Variants in KCMF1 observed in about 807,000 individuals in gnomAD.
KCMF1 encodes the protein potassium channel modulatory factor 1.
Under a neutral mutation model 41.1 loss-of-function variants are expected in KCMF1, and 3 were observed. The observed-to-expected ratio is 0.07, with a 90% CI of 0.03 to 0.19. The LOEUF is 0.19. Ranked by LOEUF, KCMF1 falls within the 10% of genes least tolerant of loss-of-function variation. KCMF1 has a pLI of 1.00. For missense variants in KCMF1, 286 were observed against 488.9 expected (o/e 0.58, Z 3.91); for synonymous variants, 142 against 164.5 (o/e 0.86, Z 1.04).
At chr2:85,000,296 C>T (rs1243811653) in intron 1 of KCMF1, among the ~76,000 whole-genome samples, 2 of 151,906 alleles carry the variant, frequency 1.3e-5, no homozygotes, top group Admixed American at 6.6e-5. Flanking sequence ...CAGCTAATTT[C>T]GTGTTTTTAG....
intron 4 of KCMF1, among the ~76,000 whole-genome samples, chr2:85,044,586 G>T (rs926358162): frequency 2.0e-5 from 3 of 152,054 alleles, no homozygotes; most frequent in Admixed American, 2.0e-4. Context: ...ATATTGGCCA[G>T]GCTGGTCTCT....
chr2:84,989,640 T>C (rs1385229757), intron 1 of KCMF1, among the ~76,000 whole-genome samples: 1 of 152,162 alleles, frequency 6.6e-6, no homozygotes, highest in Non-Finnish European at 1.5e-5. Flanking sequence ...CGATTAAGCA[T>C]GAGGATTGTG....
intron 6 of KCMF1, 25 bp downstream of exon 6, chr2:85,049,673 T>A (rs969845435): frequency 1.6e-5 from 25 of 1,581,076 alleles, no homozygotes; most frequent in Non-Finnish European, 2.1e-5. Flanking sequence ...AATAGAATTT[T>A]GTTTGGGAAG....
chr2:85,056,880 A>G lies in KCMF1; in HGVS notation c.*3471A>G, dbSNP rs966084430. The stretch of plus-strand genomic sequence containing the variant: ...CACATGCAATATTGGTTTCATGTGC[A>G]GTAAAAATTAAAACACGGCTGAGCG... On this transcript the variant is annotated 3_prime_UTR_variant, in exon 7 of 7. Coordinates refer to ENST00000409785, the MANE Select transcript of KCMF1 (RefSeq NM_020122.5). The G allele has an allele frequency of 1.3e-5, 2 of 152,232 alleles. No individual in the cohort carries two copies. Among genetic ancestry groups the G allele is most frequent in the African/African-American group, 4.8e-5 (2 of 41,458 alleles). The allele number at this position is 152,232 out of a possible 1,614,324, so 9.4% of individuals were successfully genotyped here. A position where few individuals can be genotyped will look rare whatever the true frequency, so the allele number is the denominator to read the frequency against.
chr2:84,977,205 A>T (rs73943022), intron 1 of KCMF1, among the ~76,000 whole-genome samples: 1,617 of 152,178 alleles, frequency 0.011, 28 homozygotes, highest in African/African-American at 0.037. Context: ...AAAAAATGTT[A>T]TCTGCCACTG....
At chr2:85,002,625 T>C (rs1331929837) in intron 1 of KCMF1, among the ~76,000 whole-genome samples, 2 of 151,780 alleles carry the variant, frequency 1.3e-5, no homozygotes, top group African/African-American at 2.4e-5. Context: ...TTTTTTTTTT[T>C]TCACTAATAT....
At chr2:84,995,493 T>C (rs1421734599) in intron 1 of KCMF1, among the ~76,000 whole-genome samples, 1 of 152,228 alleles carries the variant, frequency 6.6e-6, no homozygotes. Flanking sequence ...CTGACAGGCT[T>C]AGAATGTCTG....
At chr2:85,003,775 A>G (rs1447565117) in intron 1 of KCMF1, among the ~76,000 whole-genome samples, 1 of 152,086 alleles carries the variant, frequency 6.6e-6, no homozygotes, top group African/African-American at 2.4e-5. Context: ...AACATATATA[A>G]AATAGGGTCA....
chr2:84,998,568 C>CTTAT (rs55809220), intron 1 of KCMF1, among the ~76,000 whole-genome samples: 10,158 of 151,136 alleles, frequency 0.067, 447 homozygotes, highest in East Asian at 0.25. Flanking sequence ...GAGCCAACGC[C>CTTAT]TTATTTATTT....
intron 3 of KCMF1, among the ~76,000 whole-genome samples, chr2:85,041,511 T>C (rs926106028): frequency 6.6e-6 from 1 of 152,076 alleles, no homozygotes; most frequent in Non-Finnish European, 1.5e-5. Context: ...GCAGCTATCA[T>C]TGGACAGCTC....
rs1160749938 is a variant in KCMF1, at chr2:85,049,655, C to T, written c.884+7C>T. On this transcript the variant is annotated splice_region_variant and intron_variant, in intron 6 of 6. Coordinates refer to ENST00000409785, the MANE Select transcript of KCMF1 (RefSeq NM_020122.5). Reference sequence around the variant, plus strand: ...CCCAGTTTCTTTTAACAAGGTAGCTCATTTGTTAATAGAATTTTGTTTGGG... The same window carrying T: ...CCCAGTTTCTTTTAACAAGGTAGCTTATTTGTTAATAGAATTTTGTTTGGG... The T allele has an allele frequency of 6.2e-7, 1 of 1,601,352 alleles. No homozygotes were observed. Among genetic ancestry groups the T allele is most frequent in the Non-Finnish European group, 8.5e-7 (1 of 1,170,536 alleles).
In KCMF1 at chr2:85,010,194, G is replaced by A. The variant is rs115096506; in HGVS notation, c.17-17695G>A. ...TCTTACCTTAAGACTGCTCTTGGCC[G>A]GGCGTGGTGGCTCACCCCTGTAATC... On this transcript the variant is annotated intron_variant, in intron 1 of 6. Coordinates refer to ENST00000409785, the MANE Select transcript of KCMF1 (RefSeq NM_020122.5). Among the ~76,000 whole-genome samples, 1,433 of 152,226 alleles carry A rather than the reference G, an allele frequency of 9.4e-3. 17 individuals are homozygous for A. Among genetic ancestry groups the A allele is most frequent in the African/African-American group, 0.032 (1,329 of 41,542 alleles).
Position 85,053,638 on chromosome 2 carries a change from C to A in KCMF1, c.*229C>A. ...GCAGTGCAGGGGTGATCTCTGCTTC[C>A]TGTACCTTGACATGCAAAAGGCTCT... On this transcript the variant is annotated 3_prime_UTR_variant, in exon 7 of 7. Transcript: ENST00000409785. 1 of 474,192 alleles carries A rather than the reference C, an allele frequency of 2.1e-6. No homozygotes were observed. Among genetic ancestry groups the A allele is most frequent in the Non-Finnish European group, 3.7e-6 (1 of 269,420 alleles). The allele number at this position is 474,192 out of a possible 1,614,324, so 29.4% of individuals were successfully genotyped here.
intron 6 of KCMF1, among the ~76,000 whole-genome samples, chr2:85,052,710 AAATCTTAGGAT>A (rs1169226061): frequency 2.6e-5 from 4 of 152,222 alleles, no homozygotes; most frequent in African/African-American, 9.6e-5. Context: ...AAGTCAGAGG[AAATCTTAGGAT>A]ATTTTTCAGT....
chr2:85,008,255 T>TA (rs1491266401), intron 1 of KCMF1, among the ~76,000 whole-genome samples: 1 of 64,022 alleles, frequency 1.6e-5, no homozygotes, highest in Non-Finnish European at 2.9e-5. Flanking sequence ...ATGATATATA[T>TA]TATATATCAT....
intron 3 of KCMF1, among the ~76,000 whole-genome samples, chr2:85,037,084 C>G (rs2104044228): frequency 6.6e-6 from 1 of 151,636 alleles, no homozygotes; most frequent in Non-Finnish European, 1.5e-5. Context: ...AAATACCCAC[C>G]ACCTACAAAT....
At chr2:85,003,555 G>A (rs1303899386) in intron 1 of KCMF1, among the ~76,000 whole-genome samples, 1 of 151,742 alleles carries the variant, frequency 6.6e-6, no homozygotes, top group Non-Finnish European at 1.5e-5. Flanking sequence ...TATTTTAACT[G>A]TTTGTTTTAT....
At chr2:85,037,286 A>G (rs1347902411) in intron 3 of KCMF1, among the ~76,000 whole-genome samples, 1 of 152,134 alleles carries the variant, frequency 6.6e-6, no homozygotes, top group Non-Finnish European at 1.5e-5. Context: ...CCACCCATAC[A>G]CCTAGACATT....
chr2:85,047,542 A>G (rs564561133), intron 5 of KCMF1, among the ~76,000 whole-genome samples: 18 of 151,776 alleles, frequency 1.2e-4, no homozygotes, highest in Middle Eastern at 6.8e-3. Flanking sequence ...TTTGAGAACT[A>G]TATTGTTGTA....
Sources: gnomAD v4.1 joint callset for allele counts (sites outside exome capture counted in the v4.1 genomes callset) on GRCh38, gnomAD v4.1.1 for gene constraint, MANE v1.5 for transcripts, NCBI Gene and HGNC (gene_info 2026-07-23, HGNC 2026-07-21) for gene names.